Variants in HEATR4 observed in about 807,000 individuals in gnomAD.
HEATR4 encodes the protein HEAT repeat-containing protein 4.
In HEATR4, 95 loss-of-function variants were observed where a neutral mutation model predicts 108.8. The ratio of observed to expected loss-of-function variants is 0.87; its 90% CI spans 0.74 to 1.04. HEATR4 has a LOEUF of 1.04. Among genes scored for constraint, HEATR4 ranks in the 50% least tolerant of loss-of-function variants. The pLI, the probability that HEATR4 is intolerant of heterozygous loss-of-function variation, is 0.00. For synonymous variants in HEATR4, 443 were observed against 459.4 expected (o/e 0.96, Z 0.46); for missense variants, 1,152 against 1,253.8 (o/e 0.92, Z 1.23).
chr14:73,518,683 G>T (rs1887783264), intron 5 of HEATR4, among the ~76,000 whole-genome samples: 1 of 152,160 alleles, frequency 6.6e-6, no homozygotes, highest in Non-Finnish European at 1.5e-5. Context: ...AGAATGCTGG[G>T]TCAGGAGTTT....
chr14:73,483,155 C>G (rs923187595), intron 17 of HEATR4, among the ~76,000 whole-genome samples: 2 of 152,100 alleles, frequency 1.3e-5, no homozygotes, highest in African/African-American at 4.8e-5. Context: ...GCACTGTACT[C>G]TAGTTAATAA....
the HEATR4 span, chr14:73,592,207 C>T: frequency 5.0e-6 from 8 of 1,612,346 alleles, no homozygotes; most frequent in Admixed American, 1.7e-5. Context: ...CTGCTCTGGG[C>T]CCTGGAACCC....
At chr14:73,614,026 CAAA>C in the HEATR4 span, among the ~76,000 whole-genome samples, 7 of 92,964 alleles carry the variant, frequency 7.5e-5, no homozygotes, top group Non-Finnish European at 1.3e-4. Context: ...TCTGTCTCTA[CAAA>C]AAAAAAAAAA....
chr14:73,616,366 G>A, the HEATR4 span, among the ~76,000 whole-genome samples: 2 of 150,782 alleles, frequency 1.3e-5, no homozygotes, highest in African/African-American at 4.9e-5. Context: ...CACCCAGGCT[G>A]GAGTGCAGTG....
Position 73,522,622 on chromosome 14 carries a change from C to T in HEATR4, c.531G>A (p.Arg177=). The change falls in exon 3 of 18, where the codon CGG becomes CGA. Residue 177 remains arginine (R), a synonymous_variant. Coordinates refer to ENST00000553558, the MANE Select transcript of HEATR4 (RefSeq NM_001220484.1). ...HPCMHPDMLG[R]PPSLDVNLEE... is the part of the protein sequence containing the mutation. ...CCAGGTTCACATCTAGAGAAGGTGG[C>T]CGACCCAGCATATCTGGATGCATGC... 1 of 1,614,214 alleles carries T rather than the reference C, an allele frequency of 6.2e-7. No homozygotes were observed. Among genetic ancestry groups the T allele is most frequent in the Non-Finnish European group, 8.5e-7 (1 of 1,180,032 alleles).
chr14:73,481,924 G>A (rs1885273583), intron 17 of HEATR4, among the ~76,000 whole-genome samples: 1 of 152,074 alleles, frequency 6.6e-6, no homozygotes, highest in South Asian at 2.1e-4. Context: ...CTTGAGCAGG[G>A]GCAGTTGAGG....
chr14:73,619,687 GCTT>G, the HEATR4 span: 1 of 1,614,162 alleles, frequency 6.2e-7, no homozygotes, highest in Admixed American at 1.7e-5. Flanking sequence ...TCCTTCTAGA[GCTT>G]CTGTGCACGC....
chr14:73,490,901 C>A, intron 17 of HEATR4: 1 of 1,153,716 alleles, frequency 8.7e-7, no homozygotes, highest in Non-Finnish European at 1.1e-6. Context: ...CGTGGCCAAC[C>A]CCGAGGTGGC....
At chr14:73,489,364 T>C (rs1595079568) in intron 17 of HEATR4, among the ~76,000 whole-genome samples, 1 of 152,282 alleles carries the variant, frequency 6.6e-6, no homozygotes, top group Middle Eastern at 3.4e-3. Context: ...TCTAAAAGCC[T>C]TGGCAAGTGT....
At chr14:73,601,263 G>C in the HEATR4 span, among the ~76,000 whole-genome samples, 1 of 151,780 alleles carries the variant, frequency 6.6e-6, no homozygotes, top group Admixed American at 6.6e-5. Context: ...ACCAAACATT[G>C]GTTATAAACT....
At chr14:73,598,217 CAAAA>C in the HEATR4 span, among the ~76,000 whole-genome samples, 4 of 54,906 alleles carry the variant, frequency 7.3e-5, no homozygotes, top group African/African-American at 3.2e-4. Flanking sequence ...ACTAAAAATA[CAAAA>C]AAAAAAAAAA....
At chr14:73,577,856 A>AT in the HEATR4 span, among the ~76,000 whole-genome samples, 144 of 146,402 alleles carry the variant, frequency 9.8e-4, no homozygotes, top group Middle Eastern at 3.5e-3. Flanking sequence ...TATAAAAACA[A>AT]TTTTTTTTTT....
chr14:73,494,230 C>T (rs1181507864), intron 16 of HEATR4, among the ~76,000 whole-genome samples: 1 of 152,194 alleles, frequency 6.6e-6, no homozygotes, highest in African/African-American at 2.4e-5. Flanking sequence ...CCAGAAAGAG[C>T]ACTGGACTTG....
chr14:73,479,419 T>TTTCTTTC lies in HEATR4; in HGVS notation c.2845-578_2845-577insGAAAGAA, dbSNP rs71112759. Among the ~76,000 whole-genome samples the TTTCTTTC allele has an allele frequency of 6.5e-3, 679 of 104,914 alleles. 12 individuals carry two copies. Among genetic ancestry groups the TTTCTTTC allele is most frequent in the South Asian group, 0.011 (28 of 2,590 alleles). The allele number at this position is 104,914 out of a possible 152,430, so 68.8% of individuals were successfully genotyped here. ...GTCAGCCACTGCGCCCGGCGTTTTT[T>TTTCTTTC]TTTCTTTCTTTCTTTCTTTCTTTTT... is the stretch of plus-strand genomic sequence containing the variant. On this transcript the variant is annotated intron_variant, in intron 17 of 17. Transcript: ENST00000553558.
At chr14:73,628,055 C>G in the HEATR4 span, among the ~76,000 whole-genome samples, 1 of 151,798 alleles carries the variant, frequency 6.6e-6, no homozygotes, top group Non-Finnish European at 1.5e-5. Context: ...GTGATCTGCC[C>G]GCCTTGGCCT....
At chr14:73,592,008 G>T in the HEATR4 span, 6 of 1,430,386 alleles carry the variant, frequency 4.2e-6, no homozygotes, top group Admixed American at 3.3e-5. Flanking sequence ...CTGCTGGAAC[G>T]AGCCGGTGCG....
At chr14:73,591,998 C>T in the HEATR4 span, 1 of 1,425,140 alleles carries the variant, frequency 7.0e-7, no homozygotes, top group Non-Finnish European at 9.2e-7. Flanking sequence ...CAGGCCGCTG[C>T]TGCTGGAACG....
the HEATR4 span, chr14:73,582,518 C>T: frequency 1.3e-4 from 19 of 151,668 alleles, no homozygotes; most frequent in African/African-American, 4.4e-4. Context: ...CTCATTCAAG[C>T]AAAGCTGTCT....
At chr14:73,626,789 C>A in the HEATR4 span, among the ~76,000 whole-genome samples, 4 of 82,358 alleles carry the variant, frequency 4.9e-5, no homozygotes, top group East Asian at 1.5e-3. Flanking sequence ...GACAAACAGC[C>A]TTTTTTTTTT....
Sources: gnomAD v4.1 joint callset for allele counts (sites outside exome capture counted in the v4.1 genomes callset) on GRCh38, gnomAD v4.1.1 for gene constraint, MANE v1.5 for transcripts, NCBI Gene and HGNC (gene_info 2026-07-23, HGNC 2026-07-21) for gene names.